Variants in BICRAL observed in about 807,000 individuals in gnomAD.
The protein encoded by BICRAL is BRD4-interacting chromatin-remodeling complex-associated protein-like.
A neutral mutation model predicts 91.8 loss-of-function variants in BICRAL; 8 were observed. The ratio of observed to expected loss-of-function variants is 0.09; its 90% CI spans 0.05 to 0.16. BICRAL has a LOEUF of 0.16. Ranked by LOEUF, BICRAL falls within the 10% of genes least tolerant of loss-of-function variation. BICRAL has a pLI of 1.00. For missense variants in BICRAL, 1,038 were observed against 1,310.9 expected, an observed-to-expected ratio of 0.79 and a Z score of 3.21; for synonymous variants, 445 against 491.1, an observed-to-expected ratio of 0.91 and a Z score of 1.24.
intron 1 of BICRAL, among the ~76,000 whole-genome samples, chr6:42,759,785 C>T (rs1053442711): frequency 1.3e-5 from 2 of 152,164 alleles, no homozygotes; most frequent in Non-Finnish European, 2.9e-5. Context: ...GGGTTTCGCC[C>T]TCTGTTGGTT....
rs568633954 is a variant in BICRAL, at chr6:42,864,770, C to T, written c.2564C>T (p.Pro855Leu). The change falls in exon 13 of 13, where the codon CCG becomes CTG. Residue 855 changes from proline to leucine, a missense_variant. Physicochemically the swap from Pro to Leu is moderately conservative, Grantham distance 98 (BLOSUM62 -3). Around this residue, in one of 5 missense-constraint regions of BICRAL, gnomAD observed 294 missense variants for 292.6 expected, o/e 1.00. Transcript: ENST00000314073. The stretch of plus-strand genomic sequence containing the variant: ...AGTAAAGCAAGCAGCTCTCTGCAAC[C>T]GCCAGCCAAGGCCCAAGGCAGAGAC... ...HGSKASSSLQ[P>L]PAKAQGRDRA... The T allele has an allele frequency of 1.9e-5, 31 of 1,614,038 alleles. No individual in the cohort carries two copies. The highest frequency in any genetic ancestry group is 5.0e-5 in the Admixed American group (3 of 59,988).
chr6:42,856,931 T>G (rs1765377442), intron 9 of BICRAL, among the ~76,000 whole-genome samples, 160 bp from the exon 10 acceptor site: 1 of 152,122 alleles, frequency 6.6e-6, no homozygotes, highest in Admixed American at 6.6e-5. Flanking sequence ...GTGGGGCTAG[T>G]TAAACTAAGT....
intron 6 of BICRAL, among the ~76,000 whole-genome samples, chr6:42,836,619 CTTTTTTTTTT>C (rs962446384): frequency 1.6e-5 from 2 of 125,344 alleles, no homozygotes; most frequent in South Asian, 5.2e-4. Flanking sequence ...TGTGTAGTTT[CTTTTTTTTTT>C]TTTTTTTTTT....
intron 1 of BICRAL, among the ~76,000 whole-genome samples, chr6:42,797,558 C>G (rs1253980746): frequency 1.3e-5 from 2 of 152,098 alleles, no homozygotes; most frequent in Non-Finnish European, 2.9e-5. Context: ...CAGTTTCTTC[C>G]TCTGGATAGA....
Position 42,822,075 on chromosome 6 carries a change from A to G in BICRAL, c.41+12A>G. ...CTTGATCTTATTGGGTAAGATGCTT[A>G]TTCCAAAACCTGGGTAAATCAAATG... is the stretch of plus-strand genomic sequence containing the variant. On this transcript the variant is annotated intron_variant, in intron 3 of 12. Transcript: ENST00000314073. 6.3e-7 allele frequency: 1 copy of G among 1,580,088 alleles called. No individual in the cohort carries two copies. The highest frequency in any genetic ancestry group is 8.7e-7 in the Non-Finnish European group (1 of 1,149,684).
rs1201644754 is a variant in BICRAL, at chr6:42,867,209, G to A, written c.*1763G>A. On this transcript the variant is annotated 3_prime_UTR_variant, in exon 13 of 13. Transcript: ENST00000314073. ...CTTCTAATTAGAAAACACAGCAACAGAAGACCTATACCCCGGTGCCCCTGT... is the reference window on the plus strand; with the variant it reads ...CTTCTAATTAGAAAACACAGCAACAAAAGACCTATACCCCGGTGCCCCTGT... 9.6e-6 allele frequency: 2 copies of A among 207,856 alleles called. No individual in the cohort carries two copies. Among genetic ancestry groups the A allele is most frequent in the Non-Finnish European group, 2.0e-5 (2 of 100,940 alleles). The allele number at this position is 207,856 out of a possible 1,614,324, so 12.9% of individuals were successfully genotyped here.
chr6:42,781,533 GTT>G (rs751931190), upstream of BICRAL, among the ~76,000 whole-genome samples: 1 of 83,680 alleles, frequency 1.2e-5, no homozygotes, highest in South Asian at 4.1e-4. Flanking sequence ...ATCTTGTAGG[GTT>G]TTTTTTTTTT....
chr6:42,787,881 G>A (rs1763144663), intron 1 of BICRAL, among the ~76,000 whole-genome samples: 1 of 149,152 alleles, frequency 6.7e-6, no homozygotes, highest in Admixed American at 6.6e-5. Flanking sequence ...GGTCAAAGAA[G>A]AGGGCTTTTT....
At position 42,864,731 on chromosome 6, in the gene BICRAL, G is replaced by A. The variant is rs368358703; in HGVS notation, c.2525G>A (p.Ser842Asn). The part of the protein sequence containing the change: ...KAAHETQFGR[S>N]DQHGSKASSS... ...GCTCATGAGACACAGTTTGGCCGGA[G>A]TGACCAGCATGGCAGTAAAGCAAGC... Residue 842 changes from serine to asparagine, a missense_variant, in exon 13 of 13, where the codon AGT becomes AAT. Coordinates refer to ENST00000314073, the MANE Select transcript of BICRAL (RefSeq NM_001393499.1). The A allele has an allele frequency of 5.0e-6, 8 of 1,614,038 alleles. No individual in the cohort carries two copies. The highest frequency in any genetic ancestry group is 6.8e-6 in the Non-Finnish European group (8 of 1,180,020).
In BICRAL at chr6:42,831,105, T is replaced by C. The variant is rs115399166; in HGVS notation, c.1839+933T>C. Among the ~76,000 whole-genome samples the C allele has an allele frequency of 6.9e-3, 1,056 of 152,308 alleles. 5 individuals carry two copies. Among genetic ancestry groups the C allele is most frequent in the African/African-American group, 0.022 (929 of 41,556 alleles). ...TTATCAGGAGGGTGAAATGAGATAA[T>C]CTATACAAAGCACTTAGACATAGAC... On this transcript the variant is annotated intron_variant, in intron 6 of 12. Coordinates refer to ENST00000314073, the MANE Select transcript of BICRAL (RefSeq NM_001393499.1).
Position 42,862,591 on chromosome 6 carries a change from C to G in BICRAL, c.2431C>G (p.Arg811Gly). 6.2e-7 allele frequency: 1 copy of G among 1,603,344 alleles called. No homozygotes were observed. The highest frequency in any genetic ancestry group is 1.1e-5 in the South Asian group (1 of 90,770). ...EERASLSRDKRLALVDPEGFQ... is the reference protein window; with the variant it reads ...EERASLSRDKGLALVDPEGFQ... ...AAGAGCTTCCCTGTCCCGAGACAAG[C>G]GTTTGGCACTTGTAGACCCTGGTAA... The change falls in exon 12 of 13, where the codon CGT becomes GGT. Residue 811 changes from arginine (R) to glycine (G), a missense_variant. By Grantham distance (125) the Arg-to-Gly change is moderately radical. Transcript: ENST00000314073.
chr6:42,783,075 G>A (rs1321968652), intron 1 of BICRAL, among the ~76,000 whole-genome samples: 4 of 151,854 alleles, frequency 2.6e-5, no homozygotes, highest in East Asian at 1.9e-4. Context: ...GCCGCGGCGA[G>A]GAGAGCAGGT....
chr6:42,810,077 A>G (rs778500543), intron 1 of BICRAL, among the ~76,000 whole-genome samples: 1 of 152,140 alleles, frequency 6.6e-6, no homozygotes, highest in African/African-American at 2.4e-5. Flanking sequence ...GTGAGCCACT[A>G]TGCCCGGCCA....
chr6:42,760,043 G>A (rs1034752208), intron 1 of BICRAL, among the ~76,000 whole-genome samples: 2 of 152,082 alleles, frequency 1.3e-5, no homozygotes, highest in Non-Finnish European at 2.9e-5. Context: ...TCAGGAGTTC[G>A]AGACCGGCCT....
chr6:42,867,663 C>G lies in BICRAL; in HGVS notation c.*2217C>G, dbSNP rs1765751805. ...GCAAATCAGTGGAATTCTCAAGAGA[C>G]AAGATAAGCTTCATGTACATTTGTC... On this transcript the variant is annotated 3_prime_UTR_variant, in exon 13 of 13. Coordinates refer to ENST00000314073, the MANE Select transcript of BICRAL (RefSeq NM_001393499.1). 6.6e-6 allele frequency: 1 copy of G among 152,194 alleles called. No individual in the cohort carries two copies. The allele number at this position is 152,194 out of a possible 1,614,324, so 9.4% of individuals were successfully genotyped here. A position where few individuals can be genotyped will look rare whatever the true frequency, so the allele number is the denominator to read the frequency against.
chr6:42,807,965 A>T (rs1200867643), intron 1 of BICRAL, among the ~76,000 whole-genome samples: 1 of 152,124 alleles, frequency 6.6e-6, no homozygotes, highest in Non-Finnish European at 1.5e-5. Context: ...TGAGCTTTTA[A>T]TTAGGCAAGG....
At chr6:42,859,664 C>T (rs1023505643) in intron 10 of BICRAL, among the ~76,000 whole-genome samples, 1 of 151,786 alleles carries the variant, frequency 6.6e-6, no homozygotes, top group Admixed American at 6.6e-5. Context: ...TTTTTTGAGA[C>T]AGAGTCTCAT....
intron 5 of BICRAL, among the ~76,000 whole-genome samples, chr6:42,825,434 G>A (rs1440986828): frequency 3.3e-5 from 5 of 151,458 alleles, no homozygotes; most frequent in Admixed American, 6.6e-5. Flanking sequence ...GCGTTGTGGC[G>A]GCTGCCTGTA....
At chr6:42,824,238 A>T (rs1406909862) in intron 5 of BICRAL, among the ~76,000 whole-genome samples, 1 of 133,944 alleles carries the variant, frequency 7.5e-6, no homozygotes, top group African/African-American at 2.8e-5. Flanking sequence ...TCAAAAAAAT[A>T]AAAAAAATAA....
Sources: gnomAD v4.1 joint callset for allele counts (sites outside exome capture counted in the v4.1 genomes callset) on GRCh38, gnomAD v4.1.1 for gene constraint, gnomAD v4.1.1 regional missense constraint, MANE v1.5 for transcripts, NCBI Gene and HGNC (gene_info 2026-07-23, HGNC 2026-07-21) for gene names.